Variants in KDM4B observed in about 807,000 individuals in gnomAD.
KDM4B encodes the protein lysine demethylase 4B.
A neutral mutation model predicts 125.2 loss-of-function variants in KDM4B; 32 were observed. That is an observed-to-expected ratio of 0.26 (90% CI 0.19 to 0.34). The LOEUF is 0.34. Among genes scored for constraint, KDM4B ranks in the 10% least tolerant of loss-of-function variants. KDM4B has a pLI of 1.00. For missense variants in KDM4B, 1,190 were observed against 1,577.7 expected, an observed-to-expected ratio of 0.75 and a Z score of 4.16; for synonymous variants, 721 against 677.9, an observed-to-expected ratio of 1.06 and a Z score of -0.99.
chr19:4,970,812 C>A (rs112198145), intron 1 of KDM4B, among the ~76,000 whole-genome samples: 1 of 147,182 alleles, frequency 6.8e-6, no homozygotes. Flanking sequence ...AGCGTAAAGC[C>A]GTGGTAGAGT....
intron 9 of KDM4B, among the ~76,000 whole-genome samples, chr19:5,103,549 C>A (rs1199978100): frequency 6.6e-6 from 1 of 152,146 alleles, no homozygotes; most frequent in Non-Finnish European, 1.5e-5. Context: ...GTTTGGGCAC[C>A]AGCTGACGGG....
At chr19:5,054,459 AG>A (rs2037330388) in intron 6 of KDM4B, among the ~76,000 whole-genome samples, 2 of 110,192 alleles carry the variant, frequency 1.8e-5, no homozygotes, top group African/African-American at 3.7e-5. Flanking sequence ...TGAGAGAGAG[AG>A]AATGTGTGTG....
rs1267721130 is a variant in KDM4B, at chr19:5,142,867, G to A, written c.2551-1100G>A. Among the ~76,000 whole-genome samples, 1 of 152,032 alleles carries A rather than the reference G, an allele frequency of 6.6e-6. No homozygotes were observed. The highest frequency in any genetic ancestry group is 2.4e-5 in the African/African-American group (1 of 41,372). ...GAACGTGGTTTATAGAGTGGTGACG[G>A]TGCCGCTTATTAAATGCTTAGCTGG... On this transcript the variant is annotated intron_variant, in intron 18 of 22. Coordinates refer to ENST00000159111, the MANE Select transcript of KDM4B (RefSeq NM_015015.3). The surrounding 1 kb of genome is among the most constrained non-coding windows in gnomAD (Gnocchi z 5.4).
At chr19:4,984,466 C>A (rs552457524) in intron 1 of KDM4B, among the ~76,000 whole-genome samples, 1 of 152,070 alleles carries the variant, frequency 6.6e-6, no homozygotes, top group East Asian at 1.9e-4. Flanking sequence ...GTGGGTTGGC[C>A]GGGGTTTTAT....
Position 5,131,170 on chromosome 19 carries a change from T to G in KDM4B, c.1410T>G (p.Pro470=), listed in dbSNP as rs1370079162. 4 of 1,590,844 alleles carry G rather than the reference T, an allele frequency of 2.5e-6. No individual in the cohort carries two copies. The South Asian group carries it at 3.4e-5, about 13-fold the overall frequency. Residue 470 remains proline, a synonymous_variant, in exon 12 of 23, where the codon CCT becomes CCG. Coordinates refer to ENST00000159111, the MANE Select transcript of KDM4B (RefSeq NM_015015.3). ...TGCCCCCACAGCTGCCGCCCCCGCC[T>G]GCTCACTTCCCCTCAGAGGAGGCGC... ...GLLPPQLPPP[P]AHFPSEEALW... is the part of the protein sequence containing the mutation.
At chr19:5,098,355 T>A (rs2038867871) in intron 9 of KDM4B, among the ~76,000 whole-genome samples, 1 of 152,204 alleles carries the variant, frequency 6.6e-6, no homozygotes, top group Admixed American at 6.5e-5. Flanking sequence ...TCGTTATGGC[T>A]CAGAAGGCGT....
At chr19:5,109,380 G>A (rs892550954) in intron 9 of KDM4B, among the ~76,000 whole-genome samples, 12 of 152,196 alleles carry the variant, frequency 7.9e-5, no homozygotes, top group African/African-American at 2.7e-4. Context: ...CTGAAATGTT[G>A]AGCATCACCA....
At chr19:4,984,558 C>T (rs1204381469) in intron 1 of KDM4B, among the ~76,000 whole-genome samples, 1 of 152,180 alleles carries the variant, frequency 6.6e-6, no homozygotes, top group Admixed American at 6.6e-5. Flanking sequence ...CTCCGCGTCT[C>T]TCCTGTTCCG....
Position 5,153,532 on chromosome 19 carries a change from G to C in KDM4B, c.*2021G>C, listed in dbSNP as rs2039982697. ...CCCCACCCGAGATGAAGGATACGCTGTATTTTTTGCCTAATGTCCCTGCCT... is the reference window on the plus strand; with the variant it reads ...CCCCACCCGAGATGAAGGATACGCTCTATTTTTTGCCTAATGTCCCTGCCT... On this transcript the variant is annotated 3_prime_UTR_variant, in exon 23 of 23. Transcript: ENST00000159111. The C allele has an allele frequency of 6.6e-6, 1 of 152,264 alleles. No individual in the cohort carries two copies. Among genetic ancestry groups the C allele is most frequent in the Admixed American group, 6.5e-5 (1 of 15,290 alleles). The allele number at this position is 152,264 out of a possible 1,614,324, so 9.4% of individuals were successfully genotyped here. A position where few individuals can be genotyped will look rare whatever the true frequency, so the allele number is the denominator to read the frequency against.
intron 5 of KDM4B, among the ~76,000 whole-genome samples, chr19:5,045,978 T>C (rs1174731384): frequency 1.3e-5 from 2 of 152,214 alleles, no homozygotes; most frequent in African/African-American, 4.8e-5. Context: ...GCTGTGTATT[T>C]TGGTTATCAG....
In KDM4B at chr19:5,061,078, G is replaced by C. The variant is rs76613188; in HGVS notation, c.627-9932G>C. Among the ~76,000 whole-genome samples the C allele has an allele frequency of 5.2e-3, 797 of 152,310 alleles. 11 individuals carry two copies. The highest frequency in any genetic ancestry group is 4.6e-3 in the Non-Finnish European group (314 of 68,020). ...GTGCTGACCCAGCCCCGGTTCCGGAGGGCCAGTGTGACGACACCTCGTGGC... is the reference window on the plus strand; with the variant it reads ...GTGCTGACCCAGCCCCGGTTCCGGACGGCCAGTGTGACGACACCTCGTGGC... On this transcript the variant is annotated intron_variant, in intron 6 of 22. Coordinates refer to ENST00000159111, the MANE Select transcript of KDM4B (RefSeq NM_015015.3).
rs1294034610 is a variant in KDM4B at position 5,131,301 on chromosome 19, C to A, written c.1541C>A (p.Pro514His). 3.7e-6 allele frequency: 6 copies of A among 1,612,192 alleles called. No individual in the cohort carries two copies. Among genetic ancestry groups the A allele is most frequent in the Non-Finnish European group, 5.1e-6 (6 of 1,179,802 alleles). Residue 514 changes from proline (P) to histidine (H), a missense_variant, in exon 12 of 23, where the codon CCC (proline) becomes CAC (histidine). Transcript: ENST00000159111. ...APLNVVPPEV[P>H]SEELEAKPRP... is the part of the protein sequence containing the mutation. The stretch of plus-strand genomic sequence containing the variant: ...CTTAATGTCGTGCCCCCTGAGGTGC[C>A]CAGTGAGGAGCTAGAGGCCAAGCCT...
In KDM4B at chr19:5,128,641, C is replaced by T. The variant is rs1482227600; in HGVS notation, c.1316-2435C>T. 2.6e-5 allele frequency among the ~76,000 whole-genome samples: 4 copies of T among 152,320 alleles called. No individual in the cohort carries two copies. In the East Asian group the frequency reaches 7.7e-4, roughly 29 times the overall value. On this transcript the variant is annotated intron_variant, in intron 11 of 22. Transcript: ENST00000159111. ...GTGAGGCGTGCGGCCTCTGCAGCCT[C>T]CCCGGGCTGCTCCAGCTTCCAGCCC...
At chr19:4,987,949 G>A (rs1199875292) in intron 1 of KDM4B, among the ~76,000 whole-genome samples, 1 of 152,206 alleles carries the variant, frequency 6.6e-6, no homozygotes, top group Middle Eastern at 3.2e-3. Context: ...CTCCCAGGGT[G>A]CAGCAGCTGG....
intron 1 of KDM4B, among the ~76,000 whole-genome samples, chr19:4,986,531 G>A (rs1406434590): frequency 6.6e-6 from 1 of 152,190 alleles, no homozygotes; most frequent in South Asian, 2.1e-4. Context: ...GCACAGAGGA[G>A]GGCTCGGGAG....
intron 4 of KDM4B, among the ~76,000 whole-genome samples, chr19:5,040,506 T>A (rs540340790): frequency 6.6e-6 from 1 of 152,126 alleles, no homozygotes; most frequent in South Asian, 2.1e-4. Context: ...CACAGGCTCA[T>A]GCACAGGTAC....
chr19:5,100,578 C>T (rs1377284499), intron 9 of KDM4B, among the ~76,000 whole-genome samples: 1 of 152,188 alleles, frequency 6.6e-6, no homozygotes, highest in Admixed American at 6.5e-5. Flanking sequence ...CAGGTGTGTG[C>T]CACCACACTG....
intron 1 of KDM4B, among the ~76,000 whole-genome samples, chr19:4,989,658 C>CA (rs2034969774): frequency 6.9e-6 from 1 of 144,500 alleles, no homozygotes; most frequent in African/African-American, 2.5e-5. Context: ...TCTTCTTCTT[C>CA]TTTTTTTTTT....
chr19:5,022,124 C>T (rs998996367), intron 2 of KDM4B, among the ~76,000 whole-genome samples: 3 of 152,174 alleles, frequency 2.0e-5, no homozygotes, highest in Non-Finnish European at 2.9e-5. Context: ...TCAAGTGGCC[C>T]GGAGGTGGTG....
Sources: gnomAD v4.1 joint callset for allele counts (sites outside exome capture counted in the v4.1 genomes callset) on GRCh38, gnomAD v4.1.1 for gene constraint, Gnocchi (gnomAD v3.1) non-coding constraint, MANE v1.5 for transcripts, NCBI Gene and HGNC (gene_info 2026-07-23, HGNC 2026-07-21) for gene names.